TRAF3IP3: variants seen among roughly 807,000 people sequenced by gnomAD.
The protein encoded by TRAF3IP3 is TRAF3 interacting protein 3, also known as TRAF3-interacting JNK-activating modulator.
A neutral mutation model predicts 86.5 loss-of-function variants in TRAF3IP3; 64 were observed. That is an observed-to-expected ratio of 0.74 (90% confidence interval 0.60 to 0.91). The LOEUF (loss-of-function observed/expected upper bound fraction) is 0.91, where lower values mean the gene tolerates loss of function less well. Among genes scored for constraint, TRAF3IP3 ranks in the 40% least tolerant of loss-of-function variants. The probability of loss-of-function intolerance (pLI) is 0.00; values close to 1 mark genes in which losing one functional copy is unlikely to be tolerated. For synonymous variants in TRAF3IP3, 220 were observed against 243.9 expected (o/e 0.90, Z 0.91); for missense variants, 579 against 642.9 (o/e 0.90, Z 1.07).
chr1:209,759,966 T>C lies in TRAF3IP3; in HGVS notation c.-58-16T>C. The C allele has an allele frequency of 1.5e-6, 2 of 1,300,098 alleles. No individual in the cohort carries two copies. Among genetic ancestry groups the C allele is most frequent in the Admixed American group, 3.7e-5 (2 of 54,560 alleles). The allele number at this position is 1,300,098 out of a possible 1,614,324, so 80.5% of individuals were successfully genotyped here. On this transcript the variant is annotated splice_polypyrimidine_tract_variant and intron_variant, in intron 2 of 16. Transcript: ENST00000367025. ...TTCTGACCCCTCCCCTTCTCCTCCC[T>C]CTTGGCATTTGGCAGATCCAGGCAT...
intron 14 of TRAF3IP3, chr1:209,779,594 T>C: frequency 4.5e-6 from 3 of 663,394 alleles, no homozygotes; most frequent in Non-Finnish European, 8.3e-6. Context: ...AAAAAGGGTT[T>C]CTATTCTCTC....
intron 8 of TRAF3IP3, among the ~76,000 whole-genome samples, chr1:209,771,479 G>GAA (rs2077521368): frequency 7.0e-6 from 1 of 143,818 alleles, no homozygotes; most frequent in African/African-American, 2.7e-5. Flanking sequence ...GTGTGCATAT[G>GAA]GAGGTGTGCG....
intron 9 of TRAF3IP3, 118 bp downstream of exon 9, chr1:209,773,137 C>A: frequency 1.2e-6 from 1 of 835,124 alleles, no homozygotes; most frequent in Non-Finnish European, 1.8e-6. Context: ...CACACCCATT[C>A]CTACTTACCC....
chr1:209,770,773 C>A (rs1200695679), intron 8 of TRAF3IP3, among the ~76,000 whole-genome samples: 60 of 36,754 alleles, frequency 1.6e-3, no homozygotes, highest in South Asian at 5.1e-3. Flanking sequence ...GTGCGTGTGC[C>A]TATGGAGGTG....
rs558721561 is a variant in TRAF3IP3, at chr1:209,781,341, C to T, written c.1450-4C>T. 23 of 1,590,590 alleles carry T rather than the reference C, an allele frequency of 1.4e-5. No homozygotes were observed. The highest frequency in any genetic ancestry group is 3.3e-5 in the Admixed American group (2 of 59,850). On this transcript the variant is annotated splice_polypyrimidine_tract_variant and splice_region_variant and intron_variant, in intron 15 of 16. Coordinates refer to ENST00000367025, the MANE Select transcript of TRAF3IP3 (RefSeq NM_025228.4). ...AGTGATGACTTTGGTGATGTTCTCCCCAGTGCAGAGAACTGCATTCAGAAT... is the reference window on the plus strand; with the variant it reads ...AGTGATGACTTTGGTGATGTTCTCCTCAGTGCAGAGAACTGCATTCAGAAT...
chr1:209,779,156 T>G, intron 13 of TRAF3IP3, 159 bp from the exon 14 acceptor site: 1 of 616,400 alleles, frequency 1.6e-6, no homozygotes, highest in Non-Finnish European at 2.9e-6. Context: ...TTTAAGGTAC[T>G]GAGGGTTAGG....
chr1:209,767,527 T>G (rs1031152376), intron 8 of TRAF3IP3, among the ~76,000 whole-genome samples: 1 of 151,828 alleles, frequency 6.6e-6, no homozygotes, highest in Non-Finnish European at 1.5e-5. Context: ...TCATCTCTAT[T>G]AAAAATAAAA....
At chr1:209,765,227 G>GGA (rs2077327916) in intron 8 of TRAF3IP3, among the ~76,000 whole-genome samples, 663 of 54,956 alleles carry the variant, frequency 0.012, 25 homozygotes, top group African/African-American at 0.026. Context: ...GAGAGAGAGA[G>GGA]AGGAAGGAAG....
chr1:209,763,326 TACAG>T (rs1318699697), intron 6 of TRAF3IP3, 33 bp from the exon 7 acceptor site: 8 of 1,609,974 alleles, frequency 5.0e-6, no homozygotes, highest in Admixed American at 1.7e-5. Context: ...TCAGGGGACT[TACAG>T]ACATTTTGAA....
intron 9 of TRAF3IP3, among the ~76,000 whole-genome samples, chr1:209,774,386 T>G (rs371659976): frequency 7.9e-5 from 12 of 151,878 alleles, no homozygotes; most frequent in African/African-American, 2.4e-4. Context: ...GTCAATAGAG[T>G]AGAATAATAG....
chr1:209,772,004 T>C (rs997307091), intron 8 of TRAF3IP3, among the ~76,000 whole-genome samples: 1 of 149,276 alleles, frequency 6.7e-6, no homozygotes, highest in African/African-American at 2.5e-5. Context: ...TGGAAGTGTA[T>C]GTGTGCAGGT....
At chr1:209,761,721 T>C (rs140290703) in intron 3 of TRAF3IP3, among the ~76,000 whole-genome samples, 445 of 152,192 alleles carry the variant, frequency 2.9e-3, no homozygotes, top group African/African-American at 0.01. Context: ...CCTTATGGAT[T>C]ATCTATTCCA....
chr1:209,771,064 G>GTA (rs1571940760), intron 8 of TRAF3IP3, among the ~76,000 whole-genome samples: 1 of 59,634 alleles, frequency 1.7e-5, no homozygotes, highest in Admixed American at 2.0e-4. Flanking sequence ...GCATGTGGAG[G>GTA]TGTGTGTGCA....
At chr1:209,758,402 G>C (rs778860797) in intron 1 of TRAF3IP3, 1 of 152,104 alleles carries the variant, frequency 6.6e-6, no homozygotes, top group Non-Finnish European at 1.5e-5. Context: ...AGTGTCCAGG[G>C]CTTGACCACA....
intron 2 of TRAF3IP3, among the ~76,000 whole-genome samples, chr1:209,759,738 TTTTAC>T (rs780195890): frequency 1.7e-4 from 26 of 152,178 alleles, no homozygotes; most frequent in Non-Finnish European, 3.8e-4. Flanking sequence ...ATAGAGACCC[TTTTAC>T]TTTACAAAGG....
At chr1:209,760,607 C>T (rs1398260412) in intron 3 of TRAF3IP3, among the ~76,000 whole-genome samples, 2 of 152,174 alleles carry the variant, frequency 1.3e-5, no homozygotes, top group Non-Finnish European at 2.9e-5. Flanking sequence ...TTGTTCTGCA[C>T]TTGACTTATA....
At chr1:209,763,265 A>T in intron 6 of TRAF3IP3, 98 bp from the exon 7 acceptor site, 1 of 1,454,582 alleles carries the variant, frequency 6.9e-7, no homozygotes, top group African/African-American at 1.4e-5. Context: ...AAAGCAGAAG[A>T]GGTTTGCTCT....
At chr1:209,760,851 T>C (rs2077233959) in intron 3 of TRAF3IP3, among the ~76,000 whole-genome samples, 1 of 152,086 alleles carries the variant, frequency 6.6e-6, no homozygotes, top group South Asian at 2.1e-4. Flanking sequence ...GGAGGATTAC[T>C]TGAACCCAGG....
intron 8 of TRAF3IP3, among the ~76,000 whole-genome samples, chr1:209,769,210 TAGAA>T: frequency 6.7e-6 from 1 of 148,220 alleles, no homozygotes; most frequent in South Asian, 2.1e-4. Context: ...GCATTCTGCA[TAGAA>T]AGAGTTTGGG....
Sources: gnomAD v4.1 joint callset for allele counts (sites outside exome capture counted in the v4.1 genomes callset) on GRCh38, gnomAD v4.1.1 for gene constraint, MANE v1.5 for transcripts, NCBI Gene and HGNC (gene_info 2026-07-23, HGNC 2026-07-21) for gene names.